The following DCC variants were observed in gnomAD, a reference collection of about 807,000 sequenced individuals.
DCC encodes netrin receptor DCC.
Under a neutral mutation model 172.5 loss-of-function variants are expected in DCC, and 58 were observed. That is an observed-to-expected ratio of 0.34 (90% CI 0.27 to 0.42). DCC has a LOEUF of 0.42. Among genes scored for constraint, DCC ranks in the 10% least tolerant of loss-of-function variants. The pLI, the probability that DCC is intolerant of heterozygous loss-of-function variation, is 1.00. For missense variants in DCC, 1,740 were observed against 1,791.0 expected, an observed-to-expected ratio of 0.97 and a Z score of 0.51; for synonymous variants, 709 against 644.5, an observed-to-expected ratio of 1.10 and a Z score of -1.52.
chr18:53,293,149 T>A (rs1598991250), intron 12 of DCC, among the ~76,000 whole-genome samples: 1 of 152,242 alleles, frequency 6.6e-6, no homozygotes, highest in East Asian at 1.9e-4. Context: ...AAATAATTTC[T>A]ACTGTCACTT....
intron 1 of DCC, among the ~76,000 whole-genome samples, chr18:52,676,737 T>C (rs2035652485): frequency 1.3e-5 from 2 of 152,138 alleles, no homozygotes; most frequent in Non-Finnish European, 2.9e-5. Flanking sequence ...TGATTATTGA[T>C]TTTTGTTTCC....
intron 1 of DCC, among the ~76,000 whole-genome samples, chr18:52,546,618 T>C (rs1297881133): frequency 6.6e-6 from 1 of 151,796 alleles, no homozygotes; most frequent in African/African-American, 2.4e-5. Flanking sequence ...AACAGAGAAA[T>C]TGAAGCCCAG....
chr18:52,977,672 T>C (rs2145598014), intron 5 of DCC, among the ~76,000 whole-genome samples: 1 of 151,940 alleles, frequency 6.6e-6, no homozygotes, highest in South Asian at 2.1e-4. Context: ...GATCATGAGG[T>C]CAGGAGATTG....
chr18:53,131,953 A>ATTTTTTTTTTTTTTTTT (rs71175556), intron 7 of DCC, among the ~76,000 whole-genome samples: 9 of 58,278 alleles, frequency 1.5e-4, no homozygotes, highest in South Asian at 1.1e-3. Flanking sequence ...TCTCTAAGTG[A>ATTTTTTTTTTTTTTTTT]TTTTTTTTTT....
intron 1 of DCC, among the ~76,000 whole-genome samples, chr18:52,513,961 T>C (rs1370726034): frequency 6.6e-6 from 1 of 152,212 alleles, no homozygotes. Context: ...ATAGGTATCA[T>C]CTGTTCCTAT....
chr18:53,462,531 C>T (rs1271084200), intron 24 of DCC, among the ~76,000 whole-genome samples: 1 of 151,876 alleles, frequency 6.6e-6, no homozygotes, highest in Non-Finnish European at 1.5e-5. Context: ...ACTGCTTCTA[C>T]ATTATGGTGA....
intron 25 of DCC, among the ~76,000 whole-genome samples, chr18:53,475,382 T>G (rs546606963): frequency 2.6e-4 from 40 of 152,318 alleles, no homozygotes; most frequent in Admixed American, 1.2e-3. Context: ...ATCATGGCCC[T>G]GGAGGCCTTG....
intron 1 of DCC, among the ~76,000 whole-genome samples, chr18:52,500,850 T>C (rs956588227): frequency 6.6e-6 from 1 of 152,136 alleles, no homozygotes; most frequent in African/African-American, 2.4e-5. Context: ...CTTAATTTCC[T>C]CAGCTGCAAA....
chr18:52,598,571 A>C lies in DCC; in HGVS notation c.92-153483A>C, dbSNP rs1293736320. On this transcript the variant is annotated intron_variant, in intron 1 of 28. Coordinates refer to ENST00000442544, the MANE Select transcript of DCC (RefSeq NM_005215.4). The stretch of plus-strand genomic sequence containing the variant: ...TGGGAGGTAAACGGTGGCCAGGAAT[A>C]AGCCTAGAGAGCCAGCTGCAGGCCT... 2.0e-5 allele frequency among the ~76,000 whole-genome samples: 3 copies of C among 152,178 alleles called. No individual in the cohort carries two copies. The East Asian group carries it at 5.8e-4, about 29-fold the overall frequency.
At chr18:52,752,934 C>A (rs1450403356) in intron 2 of DCC, among the ~76,000 whole-genome samples, 1 of 152,060 alleles carries the variant, frequency 6.6e-6, no homozygotes, top group Non-Finnish European at 1.5e-5. Flanking sequence ...ACAGGATTTA[C>A]TCTTTTTAAA....
At chr18:52,640,303 A>G (rs146512248) in intron 1 of DCC, among the ~76,000 whole-genome samples, 38 of 152,276 alleles carry the variant, frequency 2.5e-4, no homozygotes, top group African/African-American at 8.9e-4. Flanking sequence ...CTGGAACAAG[A>G]CAAGGATACC....
chr18:53,222,383 C>CTTTTTTTTTTTTTTTTTTTT (rs67373546), intron 12 of DCC, among the ~76,000 whole-genome samples: 8 of 104,210 alleles, frequency 7.7e-5, no homozygotes, highest in Non-Finnish European at 1.1e-4. Flanking sequence ...TTTCTTTTTT[C>CTTTTTTTTTTTTTTTTTTTT]TTTTTTTTTT....
chr18:52,588,581 A>G (rs1961375743), intron 1 of DCC, among the ~76,000 whole-genome samples: 1 of 152,212 alleles, frequency 6.6e-6, no homozygotes, highest in Non-Finnish European at 1.5e-5. Context: ...ATTAGTGCTA[A>G]TTGCTGGAAA....
chr18:53,052,576 T>C lies in DCC; in HGVS notation c.986-10729T>C, dbSNP rs185780058. 3.1e-3 allele frequency among the ~76,000 whole-genome samples: 474 copies of C among 152,208 alleles called. 3 individuals carry two copies. The Middle Eastern group carries it at 0.041, about 13-fold the overall frequency. On this transcript the variant is annotated intron_variant, in intron 5 of 28. Transcript: ENST00000442544. ...TCATCCTTCTTGGGATCCCTTAAGCTCCAGTTTGAAGTCTGGATGTTTCAC... is the reference window on the plus strand; with the variant it reads ...TCATCCTTCTTGGGATCCCTTAAGCCCCAGTTTGAAGTCTGGATGTTTCAC...
intron 2 of DCC, among the ~76,000 whole-genome samples, chr18:52,857,997 A>G (rs1275739054): frequency 9.9e-5 from 15 of 152,236 alleles, no homozygotes; most frequent in Admixed American, 9.8e-4. Flanking sequence ...AGGGGGAATT[A>G]AAATGACTTC....
intron 2 of DCC, among the ~76,000 whole-genome samples, chr18:52,797,585 T>G (rs1338956029): frequency 6.6e-6 from 1 of 152,184 alleles, no homozygotes; most frequent in Non-Finnish European, 1.5e-5. Context: ...GTGGTAAGAC[T>G]TTGATGGGGG....
chr18:53,117,883 G>C (rs2043429801), intron 7 of DCC, among the ~76,000 whole-genome samples: 1 of 151,670 alleles, frequency 6.6e-6, no homozygotes, highest in African/African-American at 2.4e-5. Flanking sequence ...GTCATGAACT[G>C]TTCTTCTTCC....
chr18:53,333,500 G>A (rs1390938093), intron 14 of DCC, among the ~76,000 whole-genome samples: 1 of 152,184 alleles, frequency 6.6e-6, no homozygotes. Context: ...ATGTGGTGGC[G>A]ACTGTTTGCA....
chr18:52,836,693 C>T (rs951831502), intron 2 of DCC, among the ~76,000 whole-genome samples: 1 of 152,202 alleles, frequency 6.6e-6, no homozygotes, highest in East Asian at 1.9e-4. Context: ...GCACAGCCCC[C>T]TCCTGGCTGC....
Sources: gnomAD v4.1 joint callset for allele counts (sites outside exome capture counted in the v4.1 genomes callset) on GRCh38, gnomAD v4.1.1 for gene constraint, MANE v1.5 for transcripts, NCBI Gene and HGNC (gene_info 2026-07-23, HGNC 2026-07-21) for gene names.